ZFHX4: variants seen among roughly 807,000 people sequenced by gnomAD.
ZFHX4 encodes zinc finger homeobox protein 4.
A neutral mutation model predicts 267.6 loss-of-function variants in ZFHX4; 56 were observed. The ratio of observed to expected loss-of-function variants is 0.21; its 90% confidence interval spans 0.17 to 0.26. The LOEUF (loss-of-function observed/expected upper bound fraction) is 0.26, where lower values mean the gene tolerates loss of function less well. ZFHX4 is among the 10% of genes least tolerant of loss of function. The probability of loss-of-function intolerance (pLI) is 1.00; values close to 1 mark genes in which losing one functional copy is unlikely to be tolerated. For synonymous variants in ZFHX4, 1,778 were observed against 1,665.6 expected, an observed-to-expected ratio of 1.07 and a Z score of -1.64; for missense variants, 4,332 against 4,420.0, an observed-to-expected ratio of 0.98 and a Z score of 0.56.
At position 76,854,312 on chromosome 8, in the gene ZFHX4, CG is replaced by C; in HGVS notation, c.7393del (p.Ala2465ProfsTer15). On this transcript the variant is annotated frameshift_variant, in exon 10 of 11. Transcript: ENST00000651372. LOFTEE classifies it high-confidence loss of function. Reference sequence around the variant, plus strand: ...CCCCAACTTATCGGAAGACCTCCCTCGGCCTCTCAAACACCGGTCCCTTCCA... The same window carrying C: ...CCCCAACTTATCGGAAGACCTCCCTCGCCTCTCAAACACCGGTCCCTTCCA... ...KQPQLIGRPPSASQTPVPSSP... is the reference protein window; with the variant it reads ...KQPQLIGRPPXASQTPVPSSP... The C allele has an allele frequency of 6.2e-7, 1 of 1,612,628 alleles. No homozygotes were observed.
At chr8:76,687,477 A>G (rs955469767) in intron 1 of ZFHX4, among the ~76,000 whole-genome samples, 3 of 152,190 alleles carry the variant, frequency 2.0e-5, no homozygotes, top group Non-Finnish European at 4.4e-5. Flanking sequence ...GTCCAGCTAC[A>G]TTCTTTCATA....
At chr8:76,816,259 C>T (rs1168820554) in intron 4 of ZFHX4, among the ~76,000 whole-genome samples, 1 of 152,146 alleles carries the variant, frequency 6.6e-6, no homozygotes, top group Non-Finnish European at 1.5e-5. Flanking sequence ...GACCATTGTC[C>T]TTATTTTATC....
chr8:76,713,990 C>T (rs180752160), intron 3 of ZFHX4, among the ~76,000 whole-genome samples: 2 of 152,120 alleles, frequency 1.3e-5, no homozygotes, highest in Admixed American at 1.3e-4. Flanking sequence ...ATTTGGCACC[C>T]CCATTCATGT....
At chr8:76,813,764 T>C (rs946651294) in intron 4 of ZFHX4, among the ~76,000 whole-genome samples, 1 of 152,192 alleles carries the variant, frequency 6.6e-6, no homozygotes, top group African/African-American at 2.4e-5. Context: ...GTATATTTAA[T>C]AATCTGTGTT....
intron 5 of ZFHX4, among the ~76,000 whole-genome samples, chr8:76,838,618 C>T (rs1812152656): frequency 6.6e-6 from 1 of 152,172 alleles, no homozygotes; most frequent in South Asian, 2.1e-4. Context: ...TACAGAGATA[C>T]TCAATATGTT....
At chr8:76,683,538 C>G (rs1301753128) in intron 1 of ZFHX4, among the ~76,000 whole-genome samples, 1 of 150,756 alleles carries the variant, frequency 6.6e-6, no homozygotes, top group Admixed American at 6.6e-5. Context: ...CATTTCCTCT[C>G]CTTGAGTCTC....
Position 76,807,440 on chromosome 8 carries a change from C to G in ZFHX4, c.3326-25898C>G, listed in dbSNP as rs527379329. ...AGCAGAATTAGATTGGCAGCTTTCT[C>G]TCTCCTACCAGGAATTGCATGTCAG... On this transcript the variant is annotated intron_variant, in intron 4 of 10. Coordinates refer to ENST00000651372, the MANE Select transcript of ZFHX4 (RefSeq NM_024721.5). 2.6e-5 allele frequency among the ~76,000 whole-genome samples: 4 copies of G among 152,222 alleles called. No individual in the cohort carries two copies. The East Asian group carries it at 7.7e-4, about 29-fold the overall frequency.
At chr8:76,832,255 A>G (rs1322130746) in intron 4 of ZFHX4, among the ~76,000 whole-genome samples, 1 of 152,084 alleles carries the variant, frequency 6.6e-6, no homozygotes, top group African/African-American at 2.4e-5. Flanking sequence ...CATTTTTTTT[A>G]ACTTCTTGAT....
At chr8:76,771,042 C>G (rs1050374258) in intron 3 of ZFHX4, among the ~76,000 whole-genome samples, 1 of 152,080 alleles carries the variant, frequency 6.6e-6, no homozygotes, top group Admixed American at 6.6e-5. Flanking sequence ...GCTGGAAAAG[C>G]CTAGCCATAT....
At chr8:76,707,486 C>G (rs764177607) in intron 2 of ZFHX4, 60 bp from the exon 3 acceptor site, 4 of 1,385,372 alleles carry the variant, frequency 2.9e-6, no homozygotes, top group African/African-American at 2.9e-5. Context: ...TTTACAGATT[C>G]CTTTGTGTGT....
chr8:76,819,553 C>A (rs925376398), intron 4 of ZFHX4, among the ~76,000 whole-genome samples: 1 of 152,086 alleles, frequency 6.6e-6, no homozygotes, highest in Non-Finnish European at 1.5e-5. Flanking sequence ...GGGTGCCGCT[C>A]TTCTGGGAGA....
chr8:76,755,250 T>C (rs1386320359), intron 3 of ZFHX4, among the ~76,000 whole-genome samples: 2 of 152,190 alleles, frequency 1.3e-5, no homozygotes, highest in African/African-American at 4.8e-5. Context: ...TTGTTATATA[T>C]GGTGTAAATA....
intron 4 of ZFHX4, among the ~76,000 whole-genome samples, chr8:76,800,486 A>G (rs1021399915): frequency 6.6e-6 from 1 of 152,180 alleles, no homozygotes. Flanking sequence ...AGCTTTTGAC[A>G]TGTTGTTCCT....
intron 4 of ZFHX4, among the ~76,000 whole-genome samples, chr8:76,794,873 T>TTGTGTGTGTGTG (rs71277761): frequency 3.5e-5 from 5 of 143,166 alleles, no homozygotes; most frequent in East Asian, 2.1e-4. Context: ...TGGCCTGTCA[T>TTGTGTGTGTGTG]TGTGTGTGTG....
chr8:76,709,046 A>G (rs1470945046), intron 3 of ZFHX4, among the ~76,000 whole-genome samples: 3 of 152,216 alleles, frequency 2.0e-5, no homozygotes, highest in Admixed American at 6.5e-5. Context: ...AGTGTTAACT[A>G]TACTATCAGG....
intron 3 of ZFHX4, among the ~76,000 whole-genome samples, chr8:76,738,698 CT>C (rs1220103042): frequency 2.8e-5 from 4 of 142,884 alleles, no homozygotes; most frequent in Non-Finnish European, 6.1e-5. Flanking sequence ...TCCTCCCTCC[CT>C]TTCTCTCTCT....
chr8:76,849,437 C>T, intron 7 of ZFHX4, 75 bp from the exon 8 acceptor site: 2 of 1,389,698 alleles, frequency 1.4e-6, no homozygotes, highest in Non-Finnish European at 2.0e-6. Context: ...ACACGTACCC[C>T]CAAAATACAA....
At chr8:76,788,970 T>G (rs1810766332) in intron 4 of ZFHX4, among the ~76,000 whole-genome samples, 1 of 152,220 alleles carries the variant, frequency 6.6e-6, no homozygotes, top group Non-Finnish European at 1.5e-5. Context: ...ATGAAAACAT[T>G]TATTTCACAC....
chr8:76,842,393 T>C (rs2131915410), intron 5 of ZFHX4, among the ~76,000 whole-genome samples: 1 of 152,338 alleles, frequency 6.6e-6, no homozygotes, highest in East Asian at 1.9e-4. Flanking sequence ...CAGCTTAAAC[T>C]GTACTAAAAA....
Sources: gnomAD v4.1 joint callset for allele counts (sites outside exome capture counted in the v4.1 genomes callset) on GRCh38, gnomAD v4.1.1 for gene constraint, MANE v1.5 for transcripts, NCBI Gene and HGNC (gene_info 2026-07-23, HGNC 2026-07-21) for gene names.